NRXN3: variants seen among roughly 807,000 people sequenced by gnomAD.
NRXN3 encodes neurexin 3.
A neutral mutation model predicts 137.6 loss-of-function variants in NRXN3; 32 were observed. The observed-to-expected ratio is 0.23, with a 90% CI of 0.18 to 0.31. The LOEUF (loss-of-function observed/expected upper bound fraction) is 0.31, where lower values mean the gene tolerates loss of function less well. Ranked by LOEUF, NRXN3 falls within the 10% of genes least tolerant of loss-of-function variation. The pLI is 1.00. For synonymous variants in NRXN3, 798 were observed against 784.5 expected (o/e 1.02, Z -0.29); for missense variants, 1,574 against 2,062.5 (o/e 0.76, Z 4.59).
At chr14:78,219,158 A>G (rs2063579800) in intron 1 of NRXN3, among the ~76,000 whole-genome samples, 1 of 151,850 alleles carries the variant, frequency 6.6e-6, no homozygotes, top group South Asian at 2.1e-4. Flanking sequence ...TTTTGGTGGG[A>G]GGGGGGATGC....
intron 15 of NRXN3, among the ~76,000 whole-genome samples, chr14:79,408,855 G>A (rs2095361729): frequency 6.6e-6 from 1 of 151,862 alleles, no homozygotes; most frequent in Admixed American, 6.6e-5. Context: ...ACACTTATAA[G>A]TCAAACTTTC....
intron 19 of NRXN3, among the ~76,000 whole-genome samples, chr14:79,736,001 G>C (rs35675256): frequency 0.036 from 5,476 of 152,266 alleles, 151 homozygotes; most frequent in Non-Finnish European, 0.058. Flanking sequence ...CCTGTGGCTT[G>C]TACCAATGGA....
At chr14:79,730,435 T>C (rs902549343) in intron 19 of NRXN3, among the ~76,000 whole-genome samples, 7 of 152,176 alleles carry the variant, frequency 4.6e-5, no homozygotes, top group Non-Finnish European at 2.9e-5. Flanking sequence ...CCAATTAGAA[T>C]TGGTTCACAC....
intron 4 of NRXN3, among the ~76,000 whole-genome samples, chr14:78,491,421 C>T (rs1242658044): frequency 6.6e-6 from 1 of 151,996 alleles, no homozygotes; most frequent in Non-Finnish European, 1.5e-5. Context: ...ATGAAGCGAG[C>T]GAGGAGTGAG....
At chr14:78,537,075 A>G (rs1443064059) in intron 4 of NRXN3, among the ~76,000 whole-genome samples, 1 of 152,198 alleles carries the variant, frequency 6.6e-6, no homozygotes, top group Admixed American at 6.5e-5. Context: ...ATACATGTGC[A>G]TATGTCTTTA....
At chr14:79,237,626 T>C (rs531731450) in intron 15 of NRXN3, among the ~76,000 whole-genome samples, 1 of 152,208 alleles carries the variant, frequency 6.6e-6, no homozygotes, top group Non-Finnish European at 1.5e-5. Context: ...GAAATGCTCT[T>C]TTTTCATATA....
chr14:78,510,366 T>C (rs368612701), intron 4 of NRXN3, among the ~76,000 whole-genome samples: 1 of 152,124 alleles, frequency 6.6e-6, no homozygotes, highest in South Asian at 2.1e-4. Context: ...AGTTTAATCC[T>C]CTGGAACTCT....
chr14:79,753,731 A>G (rs2099007540), intron 19 of NRXN3, among the ~76,000 whole-genome samples: 1 of 151,760 alleles, frequency 6.6e-6, no homozygotes. Context: ...AATAATAATA[A>G]TAATAAAAAG....
At chr14:79,129,320 T>C (rs2057070354) in intron 15 of NRXN3, among the ~76,000 whole-genome samples, 1 of 148,996 alleles carries the variant, frequency 6.7e-6, no homozygotes, top group Admixed American at 6.7e-5. Flanking sequence ...CATTTAGTGC[T>C]ATAAATTTCC....
chr14:79,016,161 T>A (rs2099578870), intron 15 of NRXN3, among the ~76,000 whole-genome samples: 1 of 152,154 alleles, frequency 6.6e-6, no homozygotes, highest in Non-Finnish European at 1.5e-5. Context: ...ATAAGCAGCT[T>A]TGTGCAGTGG....
intron 8 of NRXN3, among the ~76,000 whole-genome samples, chr14:78,778,758 C>CTCTTTCTTTCTTTCTTTCTTTCTT (rs10701078): frequency 1.0e-5 from 1 of 97,124 alleles, no homozygotes; most frequent in Non-Finnish European, 2.0e-5. Context: ...TTCCTTCTTT[C>CTCTTTCTTTCTTTCTTTCTTTCTT]TCTTTCTTTC....
intron 6 of NRXN3, among the ~76,000 whole-genome samples, chr14:78,672,686 T>C (rs2097949610): frequency 6.6e-6 from 1 of 152,164 alleles, no homozygotes; most frequent in African/African-American, 2.4e-5. Flanking sequence ...CATACCGATA[T>C]ATAAAAACAT....
chr14:78,784,994 C>T (rs535884486), intron 8 of NRXN3, among the ~76,000 whole-genome samples: 3 of 152,038 alleles, frequency 2.0e-5, no homozygotes, highest in African/African-American at 2.4e-5. Flanking sequence ...AGATCATATG[C>T]GATTTAGAAT....
rs147896554 is a variant in NRXN3 at position 79,073,075 on chromosome 14, C to A, written c.3262+84934C>A. Reference sequence around the variant, plus strand: ...CTAATTTTTGTATTTTTAGTACAGACAGTGTTTCACCATCTTGACCAGGCT... The same window carrying A: ...CTAATTTTTGTATTTTTAGTACAGAAAGTGTTTCACCATCTTGACCAGGCT... On this transcript the variant is annotated intron_variant, in intron 15 of 20. Transcript: ENST00000335750. Among the ~76,000 whole-genome samples the A allele has an allele frequency of 7.3e-3, 1,112 of 152,134 alleles. 9 individuals carry two copies. Among genetic ancestry groups the A allele is most frequent in the African/African-American group, 0.024 (1,008 of 41,490 alleles).
intron 16 of NRXN3, among the ~76,000 whole-genome samples, chr14:79,491,356 G>A (rs533986489): frequency 6.6e-5 from 10 of 152,152 alleles, no homozygotes; most frequent in African/African-American, 1.4e-4. Context: ...GCACCCCTAC[G>A]TCATACTAGC....
chr14:78,574,535 T>A (rs1288505245), intron 4 of NRXN3, among the ~76,000 whole-genome samples: 3 of 152,190 alleles, frequency 2.0e-5, no homozygotes, highest in African/African-American at 7.2e-5. Flanking sequence ...AGGAGATAAT[T>A]TTGGAGCTTT....
intron 15 of NRXN3, among the ~76,000 whole-genome samples, chr14:79,057,202 A>G (rs1030578677): frequency 2.0e-5 from 3 of 152,256 alleles, no homozygotes; most frequent in Admixed American, 6.5e-5. Flanking sequence ...AAAGTCATGC[A>G]GCACATTAGC....
chr14:79,005,957 T>C (rs1018921028), intron 15 of NRXN3, among the ~76,000 whole-genome samples: 4 of 152,210 alleles, frequency 2.6e-5, no homozygotes, highest in Admixed American at 1.3e-4. Flanking sequence ...TGGCTCATTG[T>C]CAACTGTGAG....
intron 4 of NRXN3, among the ~76,000 whole-genome samples, chr14:78,336,521 A>C (rs983954981): frequency 6.6e-6 from 1 of 152,144 alleles, no homozygotes; most frequent in Non-Finnish European, 1.5e-5. Flanking sequence ...AGCTGCTTCT[A>C]TTCTAGGAGG....
Sources: allele counts gnomAD v4.1 joint callset (sites outside exome capture counted in the v4.1 genomes callset), GRCh38; gene constraint gnomAD v4.1.1; transcripts MANE v1.5; gene names NCBI Gene and HGNC (gene_info 2026-07-23, HGNC 2026-07-21).